GNG12: variants seen among roughly 807,000 people sequenced by gnomAD.
GNG12 encodes G protein subunit gamma 12, also known as guanine nucleotide-binding protein G(I)/G(S)/G(O) subunit gamma-12.
For synonymous variants in GNG12, 28 were observed against 29.7 expected (o/e 0.94, Z 0.19); for missense variants, 69 against 83.8 (o/e 0.82, Z 0.69).
intron 2 of GNG12, among the ~76,000 whole-genome samples, chr1:67,721,705 A>G (rs1474738421): frequency 6.6e-6 from 1 of 152,216 alleles, no homozygotes; most frequent in Non-Finnish European, 1.5e-5. Context: ...AAGGGACATA[A>G]TATCAATCTG....
chr1:67,707,745 G>C, intron 2 of GNG12, 33 bp from the exon 3 acceptor site: 2 of 1,047,312 alleles, frequency 1.9e-6, no homozygotes, highest in Non-Finnish European at 2.9e-6. Context: ...ACAAGTAACA[G>C]GCATCTTTAA....
intron 1 of GNG12, among the ~76,000 whole-genome samples, chr1:67,800,041 T>C (rs1646855160): frequency 6.6e-6 from 1 of 152,204 alleles, no homozygotes; most frequent in Admixed American, 6.5e-5. Context: ...ACTTGATAAG[T>C]AGTGGCTTCT....
chr1:67,717,729 A>G (rs1374398389), intron 2 of GNG12, among the ~76,000 whole-genome samples: 1 of 152,176 alleles, frequency 6.6e-6, no homozygotes, highest in Non-Finnish European at 1.5e-5. Context: ...CCCTGGCATC[A>G]GTGATGCTAG....
intron 2 of GNG12, among the ~76,000 whole-genome samples, chr1:67,732,644 T>C (rs1443887911): frequency 6.6e-6 from 1 of 152,232 alleles, no homozygotes; most frequent in Non-Finnish European, 1.5e-5. Flanking sequence ...GCCTTTGCTT[T>C]TGAAGCTCTT....
chr1:67,714,108 G>C (rs1035326784), intron 2 of GNG12, among the ~76,000 whole-genome samples: 19 of 152,344 alleles, frequency 1.2e-4, no homozygotes, highest in African/African-American at 4.3e-4. Flanking sequence ...TCCATTGTGT[G>C]TGTGTGTTTT....
At chr1:67,749,714 C>T (rs1425455038) in intron 2 of GNG12, among the ~76,000 whole-genome samples, 2 of 152,178 alleles carry the variant, frequency 1.3e-5, no homozygotes, top group African/African-American at 4.8e-5. Context: ...CTCAGCCACA[C>T]GCCCATCTCC....
chr1:67,716,861 C>T (rs1646328457), intron 2 of GNG12, among the ~76,000 whole-genome samples: 1 of 152,130 alleles, frequency 6.6e-6, no homozygotes, highest in Non-Finnish European at 1.5e-5. Flanking sequence ...GAACAACTGC[C>T]CCAGATTCTA....
chr1:67,819,136 G>A (rs1413886379), intron 1 of GNG12, among the ~76,000 whole-genome samples: 2 of 152,106 alleles, frequency 1.3e-5, no homozygotes, highest in South Asian at 4.1e-4. Context: ...GCAGACATGC[G>A]GGCGCTTTAG....
chr1:67,818,959 G>A (rs913116242), intron 1 of GNG12, among the ~76,000 whole-genome samples: 2 of 152,098 alleles, frequency 1.3e-5, no homozygotes, highest in Non-Finnish European at 2.9e-5. Context: ...ACTAGACTGC[G>A]ATGCCTTTGG....
At chr1:67,721,270 A>C (rs1462833571) in intron 2 of GNG12, among the ~76,000 whole-genome samples, 1 of 152,210 alleles carries the variant, frequency 6.6e-6, no homozygotes, top group Non-Finnish European at 1.5e-5. Flanking sequence ...GGTGCTAAGC[A>C]TGTGTGAAGG....
At chr1:67,706,247 A>G (rs1646246729) in intron 3 of GNG12, among the ~76,000 whole-genome samples, 1 of 152,230 alleles carries the variant, frequency 6.6e-6, no homozygotes, top group Admixed American at 6.5e-5. Flanking sequence ...AATCAAGGGA[A>G]GGTTGTATCT....
chr1:67,748,139 A>G (rs918375614), intron 2 of GNG12, among the ~76,000 whole-genome samples: 10 of 152,182 alleles, frequency 6.6e-5, no homozygotes, highest in Admixed American at 4.6e-4. Flanking sequence ...GAGGGCAGAG[A>G]TAAAGAACTT....
intron 1 of GNG12, among the ~76,000 whole-genome samples, chr1:67,814,538 A>G (rs995274806): frequency 7.2e-5 from 11 of 152,202 alleles, no homozygotes; most frequent in African/African-American, 2.7e-4. Flanking sequence ...TTTAAAAATG[A>G]ATTTACATAA....
intron 1 of GNG12, among the ~76,000 whole-genome samples, chr1:67,814,812 T>C (rs1646944524): frequency 6.6e-6 from 1 of 152,250 alleles, no homozygotes. Flanking sequence ...CAGGTTTCAA[T>C]TCTGGCTCTG....
At chr1:67,773,616 G>A (rs1646687035) in intron 2 of GNG12, among the ~76,000 whole-genome samples, 1 of 152,210 alleles carries the variant, frequency 6.6e-6, no homozygotes, top group South Asian at 2.1e-4. Flanking sequence ...AGCAAGGGAA[G>A]AGGATCATGC....
Position 67,830,002 on chromosome 1 carries a change from C to CTTT in GNG12, c.-77+3339_-77+3341dup, listed in dbSNP as rs35214495. Among the ~76,000 whole-genome samples the CTTT allele has an allele frequency of 7.8e-4, 91 of 117,342 alleles. 1 individual carries two copies. Among genetic ancestry groups the CTTT allele is most frequent in the African/African-American group, 2.7e-3 (82 of 30,752 alleles). 77.0% of individuals were successfully genotyped at this position (117,342 alleles called of 152,430 possible). ...AAAGGGTTTGTTTTAAAGATGGAGG[C>CTTT]TTTTTTTTTTTTTTTTTTTGAGACA... On this transcript the variant is annotated intron_variant, in intron 1 of 3. Coordinates refer to ENST00000370982, the MANE Select transcript of GNG12 (RefSeq NM_018841.6).
At chr1:67,764,049 T>C (rs1231772642) in intron 2 of GNG12, among the ~76,000 whole-genome samples, 2 of 152,222 alleles carry the variant, frequency 1.3e-5, no homozygotes, top group East Asian at 1.9e-4. Flanking sequence ...GTTTGTTTGC[T>C]TTCTCATTCG....
chr1:67,820,656 G>C (rs1646979892), intron 1 of GNG12, among the ~76,000 whole-genome samples: 1 of 152,176 alleles, frequency 6.6e-6, no homozygotes, highest in Non-Finnish European at 1.5e-5. Context: ...TTCAGAGTCA[G>C]ACCACTCACT....
At chr1:67,757,140 T>C (rs1232833893) in intron 2 of GNG12, among the ~76,000 whole-genome samples, 2 of 152,206 alleles carry the variant, frequency 1.3e-5, no homozygotes, top group Non-Finnish European at 2.9e-5. Flanking sequence ...AAGTCTAAAC[T>C]TGAAATTCAT....
Sources: gnomAD v4.1 joint callset for allele counts (sites outside exome capture counted in the v4.1 genomes callset) on GRCh38, gnomAD v4.1.1 for gene constraint, MANE v1.5 for transcripts, NCBI Gene and HGNC (gene_info 2026-07-23, HGNC 2026-07-21) for gene names.